PDE4B: variants seen among roughly 807,000 people sequenced by gnomAD.
The protein encoded by PDE4B is 3',5'-cyclic-AMP phosphodiesterase 4B.
A neutral mutation model predicts 82.2 loss-of-function variants in PDE4B; 20 were observed. The ratio of observed to expected loss-of-function variants is 0.24; its 90% CI spans 0.17 to 0.35. The LOEUF (loss-of-function observed/expected upper bound fraction) is 0.35, where lower values mean the gene tolerates loss of function less well. Ranked by LOEUF, PDE4B falls within the 10% of genes least tolerant of loss-of-function variation. The pLI, the probability that PDE4B is intolerant of heterozygous loss-of-function variation, is 1.00. For synonymous variants in PDE4B, 320 were observed against 318.9 expected, an observed-to-expected ratio of 1.00 and a Z score of -0.04; for missense variants, 655 against 907.2, an observed-to-expected ratio of 0.72 and a Z score of 3.57.
chr1:66,226,206 C>G (rs913497533), intron 3 of PDE4B, among the ~76,000 whole-genome samples: 2 of 152,188 alleles, frequency 1.3e-5, no homozygotes, highest in Admixed American at 1.3e-4. Flanking sequence ...ATCTTTCTAT[C>G]TCTTGTCTGA....
At chr1:66,341,974 G>C (rs112143602) in intron 8 of PDE4B, among the ~76,000 whole-genome samples, 2 of 152,168 alleles carry the variant, frequency 1.3e-5, no homozygotes, top group African/African-American at 2.4e-5. Flanking sequence ...CTTGTAAATA[G>C]TTTAAATCAA....
chr1:66,345,090 G>A (rs1249381260), intron 8 of PDE4B, among the ~76,000 whole-genome samples: 1 of 152,162 alleles, frequency 6.6e-6, no homozygotes, highest in Non-Finnish European at 1.5e-5. Flanking sequence ...CCCTGAGGAA[G>A]GTCTTATTGT....
intron 3 of PDE4B, among the ~76,000 whole-genome samples, chr1:66,146,659 A>G (rs368968368): frequency 6.6e-6 from 1 of 152,144 alleles, no homozygotes; most frequent in Non-Finnish European, 1.5e-5. Flanking sequence ...CTGAGCTAAG[A>G]TATAGATATT....
intron 7 of PDE4B, among the ~76,000 whole-genome samples, chr1:66,290,466 A>T (rs1280575828): frequency 1.3e-5 from 2 of 152,172 alleles, no homozygotes; most frequent in African/African-American, 4.8e-5. Flanking sequence ...TACATTGTGG[A>T]AGGGGAGTCA....
At chr1:66,128,225 GCAAGA>G (rs1228412854) in intron 3 of PDE4B, among the ~76,000 whole-genome samples, 1 of 152,088 alleles carries the variant, frequency 6.6e-6, no homozygotes, top group African/African-American at 2.4e-5. Flanking sequence ...AATGTTTTCT[GCAAGA>G]AAATTCCATA....
chr1:65,954,767 A>G (rs1399556717), intron 3 of PDE4B, among the ~76,000 whole-genome samples: 6 of 152,070 alleles, frequency 3.9e-5, no homozygotes, highest in Admixed American at 2.6e-4. Context: ...ACCAGTCTGC[A>G]GGTTCTCATT....
Position 66,332,441 on chromosome 1 carries a change from G to C in PDE4B, c.635-67G>C, listed in dbSNP as rs200202611. The C allele has an allele frequency of 4.3e-6, 7 of 1,614,040 alleles. No individual in the cohort carries two copies. In the South Asian group the frequency reaches 4.4e-5, roughly 10 times the overall value. ...TAGCACCGGAATCAGCGGTGGTAGC[G>C]GTGACTCTGCTATGGACAGCCTGCA... On this transcript the variant is annotated intron_variant, in intron 7 of 16. Coordinates refer to ENST00000341517, the MANE Select transcript of PDE4B (RefSeq NM_002600.4).
At chr1:66,106,363 C>A (rs1332031805) in intron 3 of PDE4B, among the ~76,000 whole-genome samples, 1 of 152,052 alleles carries the variant, frequency 6.6e-6, no homozygotes. Context: ...AGGATTTTTG[C>A]ATCAATGTTC....
intron 1 of PDE4B, among the ~76,000 whole-genome samples, chr1:65,838,502 C>A (rs115193663): frequency 4.2e-5 from 6 of 143,898 alleles, no homozygotes; most frequent in African/African-American, 1.3e-4. Context: ...TATATATATA[C>A]GTATATGTAT....
chr1:65,810,094 A>G (rs1053655595), intron 1 of PDE4B, among the ~76,000 whole-genome samples: 1 of 152,252 alleles, frequency 6.6e-6, no homozygotes, highest in African/African-American at 2.4e-5. Flanking sequence ...GCTGGTGGGC[A>G]GTGAAAAGGA....
chr1:66,249,613 G>A (rs1359950695), intron 4 of PDE4B, among the ~76,000 whole-genome samples: 1 of 152,116 alleles, frequency 6.6e-6, no homozygotes, highest in African/African-American at 2.4e-5. Flanking sequence ...CAGCATCCCT[G>A]TTACTGGTAG....
chr1:66,051,573 G>C (rs541568637), intron 3 of PDE4B, among the ~76,000 whole-genome samples: 1 of 152,078 alleles, frequency 6.6e-6, no homozygotes, highest in Admixed American at 6.6e-5. Flanking sequence ...ACTGTGAACA[G>C]AGGTAGAAAA....
intron 3 of PDE4B, among the ~76,000 whole-genome samples, chr1:66,206,915 A>G (rs771368092): frequency 2.6e-5 from 4 of 152,226 alleles, no homozygotes; most frequent in Non-Finnish European, 1.5e-5. Context: ...ATTCTGCATT[A>G]CAGCCCAGCT....
At chr1:66,142,756 A>G (rs1316224355) in intron 3 of PDE4B, among the ~76,000 whole-genome samples, 1 of 152,208 alleles carries the variant, frequency 6.6e-6, no homozygotes, top group Non-Finnish European at 1.5e-5. Flanking sequence ...ATAATATTGT[A>G]ATGTCGGTGC....
At chr1:66,341,503 G>A (rs1230634642) in intron 8 of PDE4B, among the ~76,000 whole-genome samples, 2 of 152,134 alleles carry the variant, frequency 1.3e-5, no homozygotes, top group African/African-American at 4.8e-5. Flanking sequence ...TCAAAACATA[G>A]CAAGAACTAG....
At chr1:65,983,567 A>G (rs577038001) in intron 3 of PDE4B, among the ~76,000 whole-genome samples, 1 of 152,324 alleles carries the variant, frequency 6.6e-6, no homozygotes, top group South Asian at 2.1e-4. Flanking sequence ...TTTATTAAAA[A>G]CGGTAATTGC....
intron 8 of PDE4B, among the ~76,000 whole-genome samples, chr1:66,352,948 C>T (rs1355832434): frequency 2.0e-5 from 3 of 152,322 alleles, no homozygotes; most frequent in Non-Finnish European, 4.4e-5. Flanking sequence ...AATCATCTGT[C>T]TCTAAGCTTT....
intron 1 of PDE4B, among the ~76,000 whole-genome samples, chr1:65,874,581 C>G (rs1571050017): frequency 6.6e-6 from 1 of 152,230 alleles, no homozygotes; most frequent in East Asian, 1.9e-4. Context: ...CAGCACGGTA[C>G]TGGTACCAAA....
intron 3 of PDE4B, among the ~76,000 whole-genome samples, chr1:66,082,834 G>A (rs1172393807): frequency 6.6e-6 from 1 of 151,904 alleles, no homozygotes; most frequent in East Asian, 1.9e-4. Flanking sequence ...GAAATACTAT[G>A]CTAGGCATCT....
Sources: gnomAD v4.1 joint callset for allele counts (sites outside exome capture counted in the v4.1 genomes callset) on GRCh38, gnomAD v4.1.1 for gene constraint, MANE v1.5 for transcripts, NCBI Gene and HGNC (gene_info 2026-07-23, HGNC 2026-07-21) for gene names.